The following SMR3A variants were observed in gnomAD, a reference collection of about 807,000 sequenced individuals.
SMR3A encodes submaxillary gland androgen-regulated protein 3A.
For missense variants in SMR3A, 188 were observed against 163.0 expected (o/e 1.15, Z -0.84); for synonymous variants, 48 against 57.4 (o/e 0.84, Z 0.74).
rs1279030357 is a variant in SMR3A, at chr4:70,366,903, C to T, written c.314C>T (p.Pro105Leu). 6 of 1,613,542 alleles carry T rather than the reference C, an allele frequency of 3.7e-6. No individual in the cohort carries two copies. Among genetic ancestry groups the T allele is most frequent in the Non-Finnish European group, 5.1e-6 (6 of 1,179,792 alleles). The change falls in exon 3 of 3, where the codon CCA becomes CTA. Residue 105 changes from proline to leucine, a missense_variant. Coordinates refer to ENST00000226460, the MANE Select transcript of SMR3A (RefSeq NM_012390.4). ...CCTTATGGCCCAGGTTATCCACAGC[C>T]ACCTTCCCAACCAAGACCCTATCCA... The part of the protein sequence containing the change: ...PPPYGPGYPQ[P>L]PSQPRPYPPG...
At chr4:70,366,598 C>T in intron 2 of SMR3A, 46 bp from the exon 3 acceptor site, 3 of 1,486,576 alleles carry the variant, frequency 2.0e-6, no homozygotes, top group Non-Finnish European at 2.7e-6. Context: ...TTATATTTAA[C>T]TGTGAAATAT....
chr4:70,361,145 G>T (rs763185069), intron 1 of SMR3A, among the ~76,000 whole-genome samples: 5 of 151,830 alleles, frequency 3.3e-5, no homozygotes, highest in African/African-American at 1.2e-4. Flanking sequence ...AGAGGGAATT[G>T]TTCCACAGTA....
intron 2 of SMR3A, among the ~76,000 whole-genome samples, chr4:70,362,857 A>G (rs1732177557): frequency 6.6e-6 from 1 of 151,902 alleles, no homozygotes; most frequent in Admixed American, 6.6e-5. Context: ...ATTATATCAA[A>G]TGGGAAAATA....
Position 70,365,402 on chromosome 4 carries a change from G to T in SMR3A, c.55-1242G>T, listed in dbSNP as rs369751163. Among the ~76,000 whole-genome samples, 18 of 152,034 alleles carry T rather than the reference G, an allele frequency of 1.2e-4. No homozygotes were observed. In the East Asian group the frequency reaches 2.5e-3, roughly 21 times the overall value. Reference sequence around the variant, plus strand: ...TCAGCTATTTTCATTTCTAAAAATTGTACTCTATGTAAACCAGACCTGAGA... The same window carrying T: ...TCAGCTATTTTCATTTCTAAAAATTTTACTCTATGTAAACCAGACCTGAGA... On this transcript the variant is annotated intron_variant, in intron 2 of 2. Transcript: ENST00000226460.
chr4:70,366,685 T>G lies in SMR3A; in HGVS notation c.96T>G (p.Pro32=). 6.2e-7 allele frequency: 1 copy of G among 1,613,044 alleles called. No homozygotes were observed. The highest frequency in any genetic ancestry group is 8.5e-7 in the Non-Finnish European group (1 of 1,179,414). The change falls in exon 3 of 3, where the codon CCT becomes CCG. Residue 32 remains proline (P), a synonymous_variant. Coordinates refer to ENST00000226460, the MANE Select transcript of SMR3A (RefSeq NM_012390.4). ...SQRGPRGPYP[P]GPLAPPPPPC... ...GAGGCCCCAGGGGACCATATCCACCTGGACCACTGGCTCCTCCTCCTCCAC... is the reference window on the plus strand; with the variant it reads ...GAGGCCCCAGGGGACCATATCCACCGGGACCACTGGCTCCTCCTCCTCCAC...
intron 2 of SMR3A, among the ~76,000 whole-genome samples, chr4:70,364,191 G>T (rs1046793056): frequency 6.6e-6 from 1 of 152,022 alleles, no homozygotes. Context: ...ATTGGTGGTT[G>T]AAACTGAATC....
chr4:70,361,080 TC>T (rs1732138218), intron 1 of SMR3A, among the ~76,000 whole-genome samples: 1 of 150,736 alleles, frequency 6.6e-6, no homozygotes, highest in Admixed American at 6.7e-5. Flanking sequence ...CCCTTGATGT[TC>T]CTTAAAGTTC....
chr4:70,361,529 C>G (rs1732146489), intron 1 of SMR3A, among the ~76,000 whole-genome samples: 1 of 151,856 alleles, frequency 6.6e-6, no homozygotes, highest in Admixed American at 6.6e-5. Flanking sequence ...CCACACATCA[C>G]AGACTAAATT....
At chr4:70,364,724 A>G (rs1208174975) in intron 2 of SMR3A, among the ~76,000 whole-genome samples, 5 of 151,918 alleles carry the variant, frequency 3.3e-5, no homozygotes, top group Non-Finnish European at 7.4e-5. Flanking sequence ...TGTTTATAAA[A>G]TTGGCATCAA....
intron 2 of SMR3A, among the ~76,000 whole-genome samples, chr4:70,365,863 G>A (rs1196515568): frequency 6.6e-6 from 1 of 151,996 alleles, no homozygotes; most frequent in Non-Finnish European, 1.5e-5. Flanking sequence ...AAAAAGACGT[G>A]TCTTTCCCAT....
Position 70,366,885 on chromosome 4 carries a change from G to T in SMR3A, c.296G>T (p.Gly99Val), listed in dbSNP as rs183889139. Residue 99 changes from glycine (G) to valine (V), a missense_variant, in exon 3 of 3, where the codon GGC (glycine) becomes GTC (valine). Transcript: ENST00000226460. Reference sequence around the variant, plus strand: ...TCACACTCTCTTCCTCCTCCTTATGGCCCAGGTTATCCACAGCCACCTTCC... The same window carrying T: ...TCACACTCTCTTCCTCCTCCTTATGTCCCAGGTTATCCACAGCCACCTTCC... ...IQSHSLPPPYGPGYPQPPSQP... is the reference protein window; with the variant it reads ...IQSHSLPPPYVPGYPQPPSQP... 2 of 1,613,020 alleles carry T rather than the reference G, an allele frequency of 1.2e-6. No individual in the cohort carries two copies. The highest frequency in any genetic ancestry group is 3.3e-5 in the Admixed American group (2 of 59,856).
At chr4:70,362,927 C>G (rs184220502) in intron 2 of SMR3A, among the ~76,000 whole-genome samples, 40 of 151,946 alleles carry the variant, frequency 2.6e-4, no homozygotes, top group African/African-American at 8.9e-4. Flanking sequence ...AAAATTATAT[C>G]ATTCTGAAAC....
chr4:70,366,315 AT>A (rs33968125), intron 2 of SMR3A, among the ~76,000 whole-genome samples: 143,517 of 151,600 alleles, frequency 0.95, 68,008 homozygotes, highest in East Asian at 1. Context: ...TGAAGCCCCT[AT>A]TTTTTTTGCT....
In SMR3A at chr4:70,362,156, C is replaced by G; in HGVS notation, c.41C>G (p.Ala14Gly). 1.2e-6 allele frequency: 2 copies of G among 1,611,860 alleles called. No homozygotes were observed. Among genetic ancestry groups the G allele is most frequent in the Non-Finnish European group, 1.7e-6 (2 of 1,178,388 alleles). ...TGGATCTTGGGCCTTTGGGCTCTTG[C>G]AGCGTGTTTCACAGTAAGTATCATT... ...LTWILGLWALAACFTPGESQR... is the reference protein window; with the variant it reads ...LTWILGLWALGACFTPGESQR... Residue 14 changes from alanine (A) to glycine (G), a missense_variant, in exon 2 of 3, where the codon GCA becomes GGA. By Grantham distance (60) the Ala-to-Gly change is moderately conservative. Transcript: ENST00000226460.
intron 1 of SMR3A, among the ~76,000 whole-genome samples, chr4:70,361,667 A>G (rs950828076): frequency 6.6e-6 from 1 of 151,880 alleles, no homozygotes; most frequent in African/African-American, 2.4e-5. Context: ...ACACTAACAT[A>G]TGATCTAGTT....
chr4:70,366,849 G>A lies in SMR3A; in HGVS notation c.260G>A (p.Gly87Glu), dbSNP rs1404759283. Residue 87 changes from glycine (G) to glutamate (E), a missense_variant, in exon 3 of 3, where the codon GGG (glycine) becomes GAG (glutamate). Gly to Glu is a moderately conservative substitution (Grantham distance 98). Transcript: ENST00000226460. ...PPSPPPPYGP[G>E]RIQSHSLPPP... The stretch of plus-strand genomic sequence containing the variant: ...TCCCCTCCTCCACCCTATGGTCCAG[G>A]GAGAATTCAATCACACTCTCTTCCT... The A allele has an allele frequency of 6.2e-7, 1 of 1,613,276 alleles. No homozygotes were observed. The highest frequency in any genetic ancestry group is 8.5e-7 in the Non-Finnish European group (1 of 1,179,744).
In SMR3A at chr4:70,366,922, C is replaced by G. The variant is rs764265393; in HGVS notation, c.333C>G (p.Pro111=). 5 of 1,613,558 alleles carry G rather than the reference C, an allele frequency of 3.1e-6. No homozygotes were observed. The highest frequency in any genetic ancestry group is 4.2e-6 in the Non-Finnish European group (5 of 1,179,796). Reference sequence around the variant, plus strand: ...CACAGCCACCTTCCCAACCAAGACCCTATCCACCTGGACCTCCATTTTTCC... The same window carrying G: ...CACAGCCACCTTCCCAACCAAGACCGTATCCACCTGGACCTCCATTTTTCC... The part of the protein sequence containing the change: ...GYPQPPSQPR[P]YPPGPPFFPV... The change falls in exon 3 of 3, where the codon CCC becomes CCG. Residue 111 remains proline, a synonymous_variant. Transcript: ENST00000226460.
rs1203267274 is a variant in SMR3A, at chr4:70,366,732, G to A, written c.143G>A (p.Gly48Glu). The A allele has an allele frequency of 3.1e-6, 5 of 1,613,258 alleles. No homozygotes were observed. Among genetic ancestry groups the A allele is most frequent in the Non-Finnish European group, 4.2e-6 (5 of 1,179,564 alleles). ...PPPPCFPFGT[G>E]FVPPPHPPPY... ...CCACCATGTTTTCCTTTTGGAACAG[G>A]ATTTGTTCCACCACCCCATCCTCCA... Residue 48 changes from glycine (G) to glutamate (E), a missense_variant, in exon 3 of 3, where the codon GGA becomes GAA. Gly to Glu is a moderately conservative substitution (Grantham distance 98). Coordinates refer to ENST00000226460, the MANE Select transcript of SMR3A (RefSeq NM_012390.4).
chr4:70,365,174 T>C (rs945099220), intron 2 of SMR3A, among the ~76,000 whole-genome samples: 1 of 152,086 alleles, frequency 6.6e-6, no homozygotes. Context: ...CAATCCTTTA[T>C]CATTTTCCTA....
Sources: gnomAD v4.1 joint callset for allele counts (sites outside exome capture counted in the v4.1 genomes callset) on GRCh38, gnomAD v4.1.1 for gene constraint, MANE v1.5 for transcripts, NCBI Gene and HGNC (gene_info 2026-07-23, HGNC 2026-07-21) for gene names.